XRN1: variants seen among roughly 807,000 people sequenced by gnomAD.
XRN1 encodes strand-exchange protein 1 homolog.
XRN1 carries 67 observed loss-of-function variants against 222.3 expected under a neutral mutation model. The observed-to-expected ratio is 0.30, with a 90% CI of 0.25 to 0.37. The LOEUF (loss-of-function observed/expected upper bound fraction) is 0.37, where lower values mean the gene tolerates loss of function less well. Ranked by LOEUF, XRN1 falls within the 10% of genes least tolerant of loss-of-function variation. The pLI, the probability that XRN1 is intolerant of heterozygous loss-of-function variation, is 1.00. For missense variants in XRN1, 1,707 were observed against 2,000.2 expected (o/e 0.85, Z 2.80); for synonymous variants, 643 against 652.4 (o/e 0.99, Z 0.22).
chr3:142,371,389 C>T (rs2066988501), intron 25 of XRN1, 61 bp from the exon 26 acceptor site: 2 of 1,230,540 alleles, frequency 1.6e-6, no homozygotes, highest in African/African-American at 3.1e-5. Flanking sequence ...GATAAACTTC[C>T]TACATAATAA....
intron 3 of XRN1, 111 bp from the exon 4 acceptor site, chr3:142,425,649 AG>A: frequency 1.2e-6 from 1 of 824,244 alleles, no homozygotes; most frequent in Non-Finnish European, 1.9e-6. Context: ...AGGTAGGTAT[AG>A]GATCTCCAAA....
chr3:142,432,462 T>C (rs1346336238), intron 2 of XRN1, among the ~76,000 whole-genome samples, 199 bp downstream of exon 2: 2 of 151,328 alleles, frequency 1.3e-5, no homozygotes, highest in Admixed American at 6.6e-5. Flanking sequence ...CTCCAACATA[T>C]GTTTTGAGAA....
At chr3:142,369,059 C>T (rs540594187) in intron 27 of XRN1, among the ~76,000 whole-genome samples, 1 of 152,238 alleles carries the variant, frequency 6.6e-6, no homozygotes, top group South Asian at 2.1e-4. Flanking sequence ...CCGATTCAAA[C>T]TCAGGGTGTT....
At chr3:142,401,344 T>C (rs2068120957) in intron 18 of XRN1, among the ~76,000 whole-genome samples, 1 of 152,288 alleles carries the variant, frequency 6.6e-6, no homozygotes, top group East Asian at 1.9e-4. Context: ...ATCATATACA[T>C]GAAAGCTTTC....
chr3:142,426,803 A>T lies in XRN1; in HGVS notation c.347T>A (p.Ile116Lys), dbSNP rs1485929984. ...KEAEDKIKKA[I>K]EKGETLPTEA... is the part of the protein sequence containing the mutation. ...TGTAGGAAGAGTTTCTCCCTTCTCT[A>T]TTGCCTTTTTAATTTTGTCTTCTGC... is the stretch of plus-strand genomic sequence containing the variant. The change falls in exon 3 of 41, where the codon ATA (isoleucine) becomes AAA (lysine). Residue 116 changes from isoleucine (I) to lysine (K), a missense_variant. By Grantham distance (102) the Ile-to-Lys change is moderately radical. Transcript: ENST00000392981. 6.2e-7 allele frequency: 1 copy of T among 1,613,588 alleles called. No individual in the cohort carries two copies. Among genetic ancestry groups the T allele is most frequent in the African/African-American group, 1.3e-5 (1 of 74,876 alleles).
At chr3:142,313,011 T>C in intron 39 of XRN1, 1 of 1,131,660 alleles carries the variant, frequency 8.8e-7, no homozygotes, top group Non-Finnish European at 1.3e-6. Flanking sequence ...ACTACTAATA[T>C]CATATGCTGA....
intron 1 of XRN1, among the ~76,000 whole-genome samples, chr3:142,446,829 T>A (rs896112478): frequency 6.6e-6 from 1 of 152,200 alleles, no homozygotes; most frequent in Non-Finnish European, 1.5e-5. Flanking sequence ...CTATTTCTCA[T>A]CTACCAAATC....
In XRN1 at chr3:142,404,007, G is replaced by A. The variant is rs1407708124; in HGVS notation, c.1884-18C>T. ...TTTTATACCTAGAAAATAAATCAAG[G>A]CATTTAATTTAAAATTAATACATTA... On this transcript the variant is annotated intron_variant, in intron 16 of 40. Transcript: ENST00000392981. 1.3e-6 allele frequency: 2 copies of A among 1,536,488 alleles called. No homozygotes were observed. Among genetic ancestry groups the A allele is most frequent in the Non-Finnish European group, 1.8e-6 (2 of 1,119,424 alleles).
chr3:142,315,945 A>C (rs1164832984), intron 39 of XRN1, among the ~76,000 whole-genome samples: 1 of 152,194 alleles, frequency 6.6e-6, no homozygotes, highest in Non-Finnish European at 1.5e-5. Flanking sequence ...AGGCATTTTT[A>C]GGTCTACTGA....
chr3:142,352,107 C>A lies in XRN1; in HGVS notation c.3768+3294G>T, dbSNP rs577730293. On this transcript the variant is annotated intron_variant, in intron 32 of 40. Transcript: ENST00000392981. ...CAGTTCCTGCAACTGGACTTTAGAT[C>A]GTCATCCTTGGCCTAAATTAACCTT... Among the ~76,000 whole-genome samples, 11 of 152,242 alleles carry A rather than the reference C, an allele frequency of 7.2e-5. No individual in the cohort carries two copies. The South Asian group carries it at 1.2e-3, about 17-fold the overall frequency.
At chr3:142,414,426 T>A (rs1254460999) in intron 13 of XRN1, 135 bp from the exon 14 acceptor site, 2 of 618,366 alleles carry the variant, frequency 3.2e-6, no homozygotes, top group Non-Finnish European at 4.8e-6. Flanking sequence ...AATTCTACTA[T>A]CTGAATATAA....
intron 31 of XRN1, 113 bp from the exon 32 acceptor site, chr3:142,355,609 A>C: frequency 1.0e-5 from 7 of 686,262 alleles, no homozygotes; most frequent in Non-Finnish European, 1.6e-5. Flanking sequence ...CAGGATATTA[A>C]ACCTTTTTTT....
chr3:142,320,051 A>G (rs2065311705), intron 37 of XRN1, among the ~76,000 whole-genome samples: 1 of 152,174 alleles, frequency 6.6e-6, no homozygotes, highest in South Asian at 2.1e-4. Flanking sequence ...ATGCAGGCAT[A>G]CTTTTTATAT....
At chr3:142,403,204 C>A (rs939415827) in intron 18 of XRN1, among the ~76,000 whole-genome samples, 1 of 152,112 alleles carries the variant, frequency 6.6e-6, no homozygotes, top group African/African-American at 2.4e-5. Context: ...CTTATTTATT[C>A]CTTCTCCTCA....
At position 142,400,447 on chromosome 3, in the gene XRN1, G is replaced by A; in HGVS notation, c.2204C>T (p.Thr735Ile). 1.3e-6 allele frequency: 2 copies of A among 1,595,900 alleles called. No homozygotes were observed. The highest frequency in any genetic ancestry group is 1.7e-6 in the Non-Finnish European group (2 of 1,170,832). The change falls in exon 19 of 41, where the codon ACT becomes ATT. Residue 735 changes from threonine (T) to isoleucine (I), a missense_variant. Around this residue, in one of 2 missense-constraint regions of XRN1, gnomAD observed 1,234 missense variants for 1,518.2 expected, o/e 0.81. Coordinates refer to ENST00000392981, the MANE Select transcript of XRN1 (RefSeq NM_001282857.2). ...TTATAAATCAAATCTTACTTACTTA[G>A]TTTCTCCATCTGATACAGCCACGAC... ...ARVVAVSDGE[T>I]KFYLEEPPGT... is the part of the protein sequence containing the mutation.
intron 1 of XRN1, among the ~76,000 whole-genome samples, chr3:142,437,627 G>T (rs2069976073): frequency 6.6e-6 from 1 of 152,102 alleles, no homozygotes; most frequent in South Asian, 2.1e-4. Flanking sequence ...TAGGACATTG[G>T]TCTGGGCAAA....
chr3:142,414,044 C>A, intron 14 of XRN1, 91 bp downstream of exon 14: 1 of 1,272,458 alleles, frequency 7.9e-7, no homozygotes, highest in South Asian at 2.1e-5. Flanking sequence ...ACTTAGCTAC[C>A]AAATAAATTT....
intron 2 of XRN1, among the ~76,000 whole-genome samples, chr3:142,430,382 T>C (rs2069471114): frequency 6.6e-6 from 1 of 152,184 alleles, no homozygotes; most frequent in African/African-American, 2.4e-5. Context: ...TCTAGGCTAG[T>C]GGCTCCCAAA....
In XRN1 at chr3:142,432,771, G is replaced by A; in HGVS notation, c.198C>T (p.His66=). 1 of 1,613,872 alleles carries A rather than the reference G, an allele frequency of 6.2e-7. No individual in the cohort carries two copies. Among genetic ancestry groups the A allele is most frequent in the Non-Finnish European group, 8.5e-7 (1 of 1,179,970 alleles). Residue 66 remains histidine (H), a synonymous_variant, in exon 2 of 41, where the codon CAC becomes CAT. Coordinates refer to ENST00000392981, the MANE Select transcript of XRN1 (RefSeq NM_001282857.2). ...TAATGCGAAACAACACCTCCAGGTA[G>A]TGAAAAATATCAGTAAAGATTTTAT... The part of the protein sequence containing the change: ...SDDKIFTDIF[H]YLEVLFRIIK...
Sources: gnomAD v4.1 joint callset for allele counts (sites outside exome capture counted in the v4.1 genomes callset) on GRCh38, gnomAD v4.1.1 for gene constraint, gnomAD v4.1.1 regional missense constraint, MANE v1.5 for transcripts, NCBI Gene and HGNC (gene_info 2026-07-23, HGNC 2026-07-21) for gene names.